Variants in RBFOX2 observed in about 807,000 individuals in gnomAD.
RBFOX2 encodes RNA binding fox-1 homolog 2, also known as RNA binding protein fox-1 homolog 2.
A neutral mutation model predicts 49.1 loss-of-function variants in RBFOX2; 10 were observed. The observed-to-expected ratio is 0.20, with a 90% CI of 0.13 to 0.35. The LOEUF (loss-of-function observed/expected upper bound fraction) is 0.35. Among genes scored for constraint, RBFOX2 ranks in the 10% least tolerant of loss-of-function variants. The pLI is 1.00. For missense variants in RBFOX2, 323 were observed against 486.9 expected (o/e 0.66, Z 3.17); for synonymous variants, 183 against 187.4 (o/e 0.98, Z 0.19).
upstream of RBFOX2, among the ~76,000 whole-genome samples, chr22:35,844,804 C>A (rs1282782032): frequency 6.6e-6 from 1 of 151,942 alleles, no homozygotes; most frequent in Non-Finnish European, 1.5e-5. Flanking sequence ...CCGCGCCTGG[C>A]CTTACTTCAG....
intron 1 of RBFOX2, among the ~76,000 whole-genome samples, chr22:35,936,522 A>G (rs952949167): frequency 6.6e-6 from 1 of 152,218 alleles, no homozygotes; most frequent in Non-Finnish European, 1.5e-5. Context: ...CAGCTATTCA[A>G]TATTTGCCTA....
At chr22:35,987,181 T>C (rs537661844) in intron 1 of RBFOX2, among the ~76,000 whole-genome samples, 153 of 152,352 alleles carry the variant, frequency 1.0e-3, no homozygotes, top group Non-Finnish European at 2.0e-3. Context: ...TTGTAAAATA[T>C]TACTTGTAAA....
At chr22:35,765,822 C>T (rs1940770767) in intron 5 of RBFOX2, among the ~76,000 whole-genome samples, 2 of 152,116 alleles carry the variant, frequency 1.3e-5, no homozygotes, top group South Asian at 4.1e-4. Context: ...ATTAGCAATT[C>T]ACTTTGAAGT....
chr22:35,953,325 A>G (rs2055172299), intron 1 of RBFOX2, among the ~76,000 whole-genome samples: 2 of 152,296 alleles, frequency 1.3e-5, no homozygotes, highest in South Asian at 4.2e-4. Context: ...TTCAGTTATA[A>G]AAAGGAAAGA....
intron 1 of RBFOX2, among the ~76,000 whole-genome samples, chr22:35,818,913 G>C (rs181495950): frequency 6.6e-6 from 1 of 152,176 alleles, no homozygotes; most frequent in East Asian, 1.9e-4. Context: ...TGGGTATTCT[G>C]TTGTAGTCTA....
At chr22:35,954,604 C>G (rs973446802) in intron 1 of RBFOX2, among the ~76,000 whole-genome samples, 1 of 152,184 alleles carries the variant, frequency 6.6e-6, no homozygotes, top group Non-Finnish European at 1.5e-5. Context: ...TAGTAATGGC[C>G]CTCCATTGCT....
chr22:35,904,051 A>C (rs1005539736), intron 1 of RBFOX2, among the ~76,000 whole-genome samples: 1 of 152,184 alleles, frequency 6.6e-6, no homozygotes, highest in African/African-American at 2.4e-5. Flanking sequence ...TCACTATTCT[A>C]AAGACACTGA....
chr22:35,763,476 C>T (rs576712137), intron 6 of RBFOX2, among the ~76,000 whole-genome samples: 78 of 152,262 alleles, frequency 5.1e-4, no homozygotes, highest in Non-Finnish European at 8.2e-4. Context: ...GCACGAGTAT[C>T]GCTTGAACCC....
chr22:35,894,571 A>T (rs576157786), intron 1 of RBFOX2, among the ~76,000 whole-genome samples: 1 of 152,224 alleles, frequency 6.6e-6, no homozygotes, highest in Admixed American at 6.5e-5. Context: ...AGCCCAGGGG[A>T]TGGTACTGCG....
Position 35,921,059 on chromosome 22 carries a change from T to C in RBFOX2, c.-34+17788A>G, listed in dbSNP as rs546294551. On this transcript the variant is annotated intron_variant, in intron 1 of 13. Coordinates refer to the RBFOX2 transcript ENST00000359369. Reference sequence around the variant, plus strand: ...TTTTAAAAAAGAATTAATTTAAAGATTGCAACGCCTCTTAGCATTTTCTTA... The same window carrying C: ...TTTTAAAAAAGAATTAATTTAAAGACTGCAACGCCTCTTAGCATTTTCTTA... 1.0e-3 allele frequency among the ~76,000 whole-genome samples: 153 copies of C among 152,362 alleles called. 1 individual carries two copies. Among genetic ancestry groups the C allele is most frequent in the African/African-American group, 3.5e-3 (147 of 41,588 alleles).
chr22:35,867,337 GAAT>G (rs1251511964), intron 1 of RBFOX2, among the ~76,000 whole-genome samples: 1 of 152,152 alleles, frequency 6.6e-6, no homozygotes, highest in African/African-American at 2.4e-5. Flanking sequence ...CTGAAATCCA[GAAT>G]AATATGAGTA....
At chr22:35,847,623 T>C (rs2041383503) in intron 1 of RBFOX2, among the ~76,000 whole-genome samples, 1 of 152,158 alleles carries the variant, frequency 6.6e-6, no homozygotes, top group Admixed American at 6.5e-5. Context: ...AATAAGATTG[T>C]AAAATAGCTT....
intron 2 of RBFOX2, among the ~76,000 whole-genome samples, chr22:35,808,442 A>G (rs1333169485): frequency 6.6e-6 from 1 of 152,238 alleles, no homozygotes; most frequent in Admixed American, 6.5e-5. Context: ...AGTGGCTTAA[A>G]GGCTGAGTAA....
chr22:35,940,374 C>A (rs2053566958), upstream of RBFOX2, among the ~76,000 whole-genome samples: 3 of 152,128 alleles, frequency 2.0e-5, no homozygotes, highest in Admixed American at 6.5e-5. Flanking sequence ...AGTCATTATG[C>A]AAATCAAAAC....
intron 1 of RBFOX2, among the ~76,000 whole-genome samples, chr22:35,828,841 G>A (rs960971155): frequency 3.3e-5 from 5 of 152,092 alleles, no homozygotes; most frequent in African/African-American, 7.2e-5. Flanking sequence ...CTTGAGGTCA[G>A]GAGATAGAGA....
chr22:35,909,319 C>T (rs2049499560), intron 1 of RBFOX2, among the ~76,000 whole-genome samples: 1 of 152,000 alleles, frequency 6.6e-6, no homozygotes, highest in African/African-American at 2.4e-5. Flanking sequence ...AAAAAATATA[C>T]ATTACATCAG....
At chr22:36,020,974 T>A (rs1477664217) in intron 1 of RBFOX2, among the ~76,000 whole-genome samples, 2 of 152,020 alleles carry the variant, frequency 1.3e-5, no homozygotes, top group African/African-American at 4.8e-5. Context: ...CTATTCACAA[T>A]AGCAAAGACT....
intron 1 of RBFOX2, among the ~76,000 whole-genome samples, chr22:35,835,315 T>C (rs1274880162): frequency 6.6e-6 from 1 of 152,174 alleles, no homozygotes; most frequent in Non-Finnish European, 1.5e-5. Context: ...GGGGGGGCTG[T>C]ATCACCTAGT....
chr22:35,766,065 G>A (rs1341567291), intron 5 of RBFOX2, among the ~76,000 whole-genome samples: 1 of 152,118 alleles, frequency 6.6e-6, no homozygotes, highest in South Asian at 2.1e-4. Flanking sequence ...TAAGAACAAA[G>A]CTTTTAAGAA....
Sources: allele counts gnomAD v4.1 joint callset (sites outside exome capture counted in the v4.1 genomes callset), GRCh38; gene constraint gnomAD v4.1.1; transcripts MANE v1.5; gene names NCBI Gene and HGNC (gene_info 2026-07-23, HGNC 2026-07-21).